The following LRRN3 variants were observed in gnomAD, a reference collection of about 807,000 sequenced individuals.
LRRN3 encodes the protein leucine-rich repeat neuronal protein 3.
Under a neutral mutation model 40.1 loss-of-function variants are expected in LRRN3, and 15 were observed. The observed-to-expected ratio is 0.37, with a 90% CI of 0.25 to 0.58. The LOEUF is 0.58. Ranked by LOEUF, LRRN3 falls within the 20% of genes least tolerant of loss-of-function variation. The probability of loss-of-function intolerance (pLI) is 0.72; values close to 1 mark genes in which losing one functional copy is unlikely to be tolerated. For missense variants in LRRN3, 746 were observed against 837.7 expected (o/e 0.89, Z 1.35); for synonymous variants, 308 against 297.2 (o/e 1.04, Z -0.37).
chr7:111,116,589 A>G (rs145068797), intron 2 of LRRN3, among the ~76,000 whole-genome samples: 5 of 152,312 alleles, frequency 3.3e-5, no homozygotes, highest in African/African-American at 9.6e-5. Flanking sequence ...TTAACAATCA[A>G]CTTGAAAACA....
intron 2 of LRRN3, among the ~76,000 whole-genome samples, chr7:111,100,215 T>G (rs1437269887): frequency 6.6e-6 from 1 of 151,518 alleles, no homozygotes; most frequent in Non-Finnish European, 1.5e-5. Flanking sequence ...TTCTGAGATT[T>G]TGGTGCACCC....
chr7:111,102,234 T>C (rs1049024846), intron 2 of LRRN3, among the ~76,000 whole-genome samples: 4 of 151,678 alleles, frequency 2.6e-5, no homozygotes, highest in East Asian at 1.9e-4. Context: ...TCATAGCACA[T>C]TGACTATGAT....
chr7:111,117,158 A>G (rs1223216468), intron 2 of LRRN3, among the ~76,000 whole-genome samples: 2 of 152,160 alleles, frequency 1.3e-5, no homozygotes, highest in Non-Finnish European at 2.9e-5. Context: ...GCATGGGACT[A>G]GAGTATTGAA....
intron 1 of LRRN3, among the ~76,000 whole-genome samples, chr7:111,093,801 C>A (rs1239649712): frequency 1.3e-5 from 2 of 152,094 alleles, no homozygotes; most frequent in Non-Finnish European, 2.9e-5. Flanking sequence ...AAGATTTACC[C>A]ATAGTCTCCC....
intron 2 of LRRN3, among the ~76,000 whole-genome samples, 152 bp from the exon 3 acceptor site, chr7:111,122,263 A>G (rs1159033341): frequency 6.6e-6 from 1 of 152,198 alleles, no homozygotes; most frequent in Non-Finnish European, 1.5e-5. Context: ...AAAAAGATAA[A>G]GTCACCAAAC....
intron 2 of LRRN3, among the ~76,000 whole-genome samples, chr7:111,115,861 G>A (rs1313025311): frequency 6.6e-6 from 1 of 151,934 alleles, no homozygotes; most frequent in South Asian, 2.1e-4. Flanking sequence ...ATTTTTACTA[G>A]AGACTGGGTT....
chr7:111,119,903 A>T (rs972217934), intron 2 of LRRN3, among the ~76,000 whole-genome samples: 1 of 152,120 alleles, frequency 6.6e-6, no homozygotes, highest in African/African-American at 2.4e-5. Flanking sequence ...GTACATGTGG[A>T]GGGAGGGGTT....
intron 1 of LRRN3, among the ~76,000 whole-genome samples, chr7:111,099,480 T>G (rs938333780): frequency 1.3e-5 from 2 of 151,730 alleles, no homozygotes; most frequent in South Asian, 4.1e-4. Flanking sequence ...CCTAAAACTT[T>G]AGTAGAAGCG....
At chr7:111,120,760 A>G (rs571122273) in intron 2 of LRRN3, among the ~76,000 whole-genome samples, 9 of 152,284 alleles carry the variant, frequency 5.9e-5, no homozygotes, top group Non-Finnish European at 1.3e-4. Flanking sequence ...TATGGAGAGA[A>G]GTATGAATGA....
intron 2 of LRRN3, among the ~76,000 whole-genome samples, chr7:111,120,505 A>C (rs775969652): frequency 1.3e-5 from 2 of 152,158 alleles, no homozygotes; most frequent in African/African-American, 2.4e-5. Flanking sequence ...CATGGGAATT[A>C]TCGGAGCTAC....
chr7:111,104,034 G>C (rs552810169), intron 2 of LRRN3, among the ~76,000 whole-genome samples: 1 of 151,782 alleles, frequency 6.6e-6, no homozygotes, highest in South Asian at 2.1e-4. Context: ...TGTAATATGT[G>C]TGTGAAATGA....
Position 111,122,730 on chromosome 7 carries a change from G to C in LRRN3, c.-43G>C. 6.7e-7 allele frequency: 1 copy of C among 1,489,872 alleles called. No individual in the cohort carries two copies. 92.3% of individuals were successfully genotyped at this position (1,489,872 alleles called of 1,614,324 possible). The stretch of plus-strand genomic sequence containing the variant: ...ATTGAACTTACTAGCACTGACTGTG[G>C]AATCCTTAAGGGCCCATTACATTTC... On this transcript the variant is annotated 5_prime_UTR_variant, in exon 3 of 3. Coordinates refer to ENST00000308478, the MANE Select transcript of LRRN3 (RefSeq NM_001099658.2).
intron 2 of LRRN3, among the ~76,000 whole-genome samples, chr7:111,110,528 T>C (rs968871138): frequency 6.6e-6 from 1 of 152,186 alleles, no homozygotes; most frequent in Non-Finnish European, 1.5e-5. Flanking sequence ...TATTCGTTTT[T>C]CAGTTTGGAT....
intron 1 of LRRN3, among the ~76,000 whole-genome samples, chr7:111,094,106 C>CAAAA (rs1563234801): frequency 6.6e-6 from 1 of 152,080 alleles, no homozygotes; most frequent in Non-Finnish European, 1.5e-5. Flanking sequence ...TTTGCTTTCG[C>CAAAA]CATGTGATGG....
intron 2 of LRRN3, among the ~76,000 whole-genome samples, chr7:111,111,263 G>A (rs1799156311): frequency 6.7e-6 from 1 of 149,612 alleles, no homozygotes; most frequent in African/African-American, 2.5e-5. Flanking sequence ...ACGCTTATGT[G>A]GGCATATCGC....
chr7:111,111,484 C>G (rs1799197470), intron 2 of LRRN3, among the ~76,000 whole-genome samples: 1 of 151,278 alleles, frequency 6.6e-6, no homozygotes, highest in Admixed American at 6.6e-5. Context: ...ACACATAAGG[C>G]AAAATGTATT....
chr7:111,099,337 T>C (rs1797730433), intron 1 of LRRN3, among the ~76,000 whole-genome samples: 1 of 151,714 alleles, frequency 6.6e-6, no homozygotes. Context: ...CTGAATACAA[T>C]TTCATTGCTA....
At chr7:111,098,373 T>C (rs1797620550) in intron 1 of LRRN3, among the ~76,000 whole-genome samples, 1 of 151,978 alleles carries the variant, frequency 6.6e-6, no homozygotes, top group Non-Finnish European at 1.5e-5. Flanking sequence ...CAATTACTTT[T>C]TAATGAGGAA....
In LRRN3 at chr7:111,124,993, A is replaced by C; in HGVS notation, c.*94A>C. The stretch of plus-strand genomic sequence containing the variant: ...AAAACAAAACAAAACAAACAAACAA[A>C]CAAAAAAGTAAAAAAAGATTACTTT... On this transcript the variant is annotated 3_prime_UTR_variant, in exon 3 of 3. Coordinates refer to ENST00000308478, the MANE Select transcript of LRRN3 (RefSeq NM_001099658.2). 1 of 905,212 alleles carries C rather than the reference A, an allele frequency of 1.1e-6. No individual in the cohort carries two copies. The highest frequency in any genetic ancestry group is 1.6e-6 in the Non-Finnish European group (1 of 610,440). 56.1% of individuals were successfully genotyped at this position (905,212 alleles called of 1,614,324 possible).
Sources: allele counts gnomAD v4.1 joint callset (sites outside exome capture counted in the v4.1 genomes callset), GRCh38; gene constraint gnomAD v4.1.1; transcripts MANE v1.5; gene names NCBI Gene and HGNC (gene_info 2026-07-23, HGNC 2026-07-21).